The following TXLNG variants were observed in gnomAD, a reference collection of about 807,000 sequenced individuals.
TXLNG encodes taxilin gamma.
In TXLNG, 5 loss-of-function variants were observed where a neutral mutation model predicts 38.8. The observed-to-expected ratio is 0.13, with a 90% CI of 0.07 to 0.27. The LOEUF (loss-of-function observed/expected upper bound fraction) is 0.27, where lower values mean the gene tolerates loss of function less well. TXLNG is among the 10% of genes least tolerant of loss of function. TXLNG has a pLI of 1.00. For synonymous variants in TXLNG, 182 were observed against 158.2 expected (o/e 1.15, Z -1.13); for missense variants, 393 against 398.2 (o/e 0.99, Z 0.11).
intron 1 of TXLNG, among the ~76,000 whole-genome samples, chrX:16,793,513 C>A (rs1927774960): frequency 9.2e-6 from 1 of 108,725 alleles, no homozygotes; most frequent in Non-Finnish European, 1.9e-5. Flanking sequence ...TTTCTTCTTT[C>A]CCTACTCTCA....
Position 16,833,624 on chromosome X carries a change from T to TACAC in TXLNG, c.985-642_985-639dup, listed in dbSNP as rs373147838. ...TTCCAAAGTTGGAATATAAATTTTA[T>TACAC]ACACACACACACACACACACTCATA... On this transcript the variant is annotated intron_variant, in intron 6 of 9. Coordinates refer to ENST00000380122, the MANE Select transcript of TXLNG (RefSeq NM_018360.3). 8.8e-3 allele frequency among the ~76,000 whole-genome samples: 961 copies of TACAC among 109,041 alleles called. 9 individuals carry two copies. Among genetic ancestry groups the TACAC allele is most frequent in the African/African-American group, 0.025 (731 of 29,754 alleles). The allele number at this position is 109,041 out of a possible 115,157, so 94.7% of individuals were successfully genotyped here. A position where few individuals can be genotyped will look rare whatever the true frequency, so the allele number is the denominator to read the frequency against.
Position 16,812,683 on chromosome X carries a change from C to T in TXLNG, c.103-5891C>T, listed in dbSNP as rs1368486687. Among the ~76,000 whole-genome samples, 17 of 87,454 alleles carry T rather than the reference C, an allele frequency of 1.9e-4. No individual in the cohort carries two copies. The South Asian group carries it at 5.9e-3, about 30-fold the overall frequency. 75.9% of individuals were successfully genotyped at this position (87,454 alleles called of 115,157 possible). On this transcript the variant is annotated intron_variant, in intron 1 of 9. Coordinates refer to ENST00000380122, the MANE Select transcript of TXLNG (RefSeq NM_018360.3). ...CTGGGATTACAGGCATGAGCCACTG[C>T]GGCCAGCCTTTTTTTTTTTTTTTTT...
Position 16,790,077 on chromosome X carries a change from T to C in TXLNG, c.102+3488T>C, listed in dbSNP as rs758498336. ...CCTCCCAAAGTGCTGAGGTTACAGGTGTGAGCCACTGCGCCCGACCCTTAT... is the reference window on the plus strand; with the variant it reads ...CCTCCCAAAGTGCTGAGGTTACAGGCGTGAGCCACTGCGCCCGACCCTTAT... On this transcript the variant is annotated intron_variant, in intron 1 of 9. Coordinates refer to ENST00000380122, the MANE Select transcript of TXLNG (RefSeq NM_018360.3). 1.3e-3 allele frequency among the ~76,000 whole-genome samples: 139 copies of C among 110,953 alleles called. 1 individual carries two copies. The highest frequency in any genetic ancestry group is 2.2e-3 in the Non-Finnish European group (119 of 52,959).
At chrX:16,802,808 GCTTT>G (rs1411923261) in intron 1 of TXLNG, among the ~76,000 whole-genome samples, 7 of 97,039 alleles carry the variant, frequency 7.2e-5, no homozygotes, top group East Asian at 3.0e-4. Context: ...AGGCCAAGAT[GCTTT>G]CTTTCTTTCT....
chrX:16,814,433 G>A (rs999379343), intron 1 of TXLNG, among the ~76,000 whole-genome samples: 3 of 111,744 alleles, frequency 2.7e-5, no homozygotes, highest in Admixed American at 9.5e-5. Context: ...GGCCAACATG[G>A]TGAAACCCTG....
In TXLNG at chrX:16,844,259, T is replaced by G. The variant is rs1039232014; in HGVS notation, c.*2493T>G. The G allele has an allele frequency of 2.7e-5, 3 of 111,714 alleles. No homozygotes were observed. The highest frequency in any genetic ancestry group is 5.6e-5 in the Non-Finnish European group (3 of 53,178). The allele number at this position is 111,714 out of a possible 1,213,427, so 9.2% of individuals were successfully genotyped here. A position where few individuals can be genotyped will look rare whatever the true frequency, so the allele number is the denominator to read the frequency against. ...TTACACCTGGTTATCACAATTCAAT[T>G]CTCAGGTGTTGCAGAAAAATCTACC... is the stretch of plus-strand genomic sequence containing the variant. On this transcript the variant is annotated 3_prime_UTR_variant, in exon 10 of 10. Coordinates refer to ENST00000380122, the MANE Select transcript of TXLNG (RefSeq NM_018360.3).
intron 6 of TXLNG, 81 bp from the exon 7 acceptor site, chrX:16,834,202 G>T: frequency 1.2e-6 from 1 of 812,138 alleles, no homozygotes; most frequent in South Asian, 2.7e-5. Context: ...ATAGAAGGAT[G>T]AAGCCTAACT....
At chrX:16,831,730 A>C (rs760479698) in intron 5 of TXLNG, among the ~76,000 whole-genome samples, 72 of 112,058 alleles carry the variant, frequency 6.4e-4, no homozygotes, top group Non-Finnish European at 1.2e-3. Context: ...GATTTGTTTA[A>C]ATCATATTGT....
At chrX:16,787,893 T>C (rs1297731100) in intron 1 of TXLNG, among the ~76,000 whole-genome samples, 2 of 112,592 alleles carry the variant, frequency 1.8e-5, no homozygotes, top group African/African-American at 6.4e-5. Context: ...CCAGTTTACG[T>C]CTGAGCAGAG....
intron 1 of TXLNG, among the ~76,000 whole-genome samples, chrX:16,812,202 T>G (rs1233990523): frequency 1.9e-5 from 2 of 105,820 alleles, no homozygotes; most frequent in Non-Finnish European, 3.9e-5. Context: ...AGAGACGAGA[T>G]TTCATCACAT....
Position 16,841,847 on chromosome X carries a change from G to T in TXLNG, c.*81G>T. On this transcript the variant is annotated 3_prime_UTR_variant, in exon 10 of 10. Coordinates refer to ENST00000380122, the MANE Select transcript of TXLNG (RefSeq NM_018360.3). ...AGTAGTTAACTATTGGTTTTGTGGT[G>T]AAAATTTTCTTACTTTTTCTACCAT... 2 of 1,044,076 alleles carry T rather than the reference G, an allele frequency of 1.9e-6. No homozygotes were observed. Among genetic ancestry groups the T allele is most frequent in the Non-Finnish European group, 2.6e-6 (2 of 774,690 alleles). The allele number at this position is 1,044,076 out of a possible 1,213,427, so 86.0% of individuals were successfully genotyped here. A position where few individuals can be genotyped will look rare whatever the true frequency, so the allele number is the denominator to read the frequency against.
intron 1 of TXLNG, among the ~76,000 whole-genome samples, chrX:16,799,731 A>G (rs1928016551): frequency 1.8e-5 from 2 of 110,618 alleles, no homozygotes; most frequent in South Asian, 7.9e-4. Flanking sequence ...AGATCGCGCC[A>G]CTGAACTCCA....
intron 3 of TXLNG, among the ~76,000 whole-genome samples, chrX:16,824,797 G>A (rs749415908): frequency 6.3e-4 from 69 of 109,286 alleles, no homozygotes; most frequent in Non-Finnish European, 1.2e-3. Context: ...TGGTGTTTGC[G>A]CGCCTGTAGT....
At chrX:16,827,950 C>A (rs1929230077) in intron 3 of TXLNG, 144 bp from the exon 4 acceptor site, 1 of 477,425 alleles carries the variant, frequency 2.1e-6, no homozygotes, top group Non-Finnish European at 3.2e-6. Flanking sequence ...GGCAGTGTAG[C>A]ATGGCATGAA....
intron 4 of TXLNG, among the ~76,000 whole-genome samples, chrX:16,828,781 C>G (rs1260480784): frequency 1.8e-5 from 2 of 111,933 alleles, no homozygotes; most frequent in African/African-American, 3.2e-5. Flanking sequence ...GAATAGGTAT[C>G]CAAAGATTCA....
At chrX:16,813,485 TA>T (rs200836025) in intron 1 of TXLNG, among the ~76,000 whole-genome samples, 132 of 96,067 alleles carry the variant, frequency 1.4e-3, no homozygotes, top group Admixed American at 1.8e-3. Context: ...TCTACAAAAT[TA>T]AAAAAAAAAA....
chrX:16,803,608 G>C (rs112369331), intron 1 of TXLNG, among the ~76,000 whole-genome samples: 49,959 of 99,708 alleles, frequency 0.5, 10,314 homozygotes, highest in Middle Eastern at 0.62. Flanking sequence ...CTCCCAAAGT[G>C]CTGGGATTAC....
chrX:16,822,398 C>T (rs976449710), intron 3 of TXLNG, among the ~76,000 whole-genome samples: 1 of 111,307 alleles, frequency 9.0e-6, no homozygotes, highest in Admixed American at 9.6e-5. Context: ...CCAGGTATAC[C>T]TCAGTTAGCT....
At chrX:16,837,791 CA>C (rs1929647457) in intron 8 of TXLNG, 106 bp downstream of exon 8, 1 of 579,548 alleles carries the variant, frequency 1.7e-6, no homozygotes, top group African/African-American at 2.3e-5. Flanking sequence ...ATACTGTCTT[CA>C]TTTTCTCTTT....
Sources: allele counts gnomAD v4.1 joint callset (sites outside exome capture counted in the v4.1 genomes callset), GRCh38; gene constraint gnomAD v4.1.1; transcripts MANE v1.5; gene names NCBI Gene and HGNC (gene_info 2026-07-23, HGNC 2026-07-21).